OTOA: variants seen among roughly 807,000 people sequenced by gnomAD.
OTOA encodes cancer/testis antigen 108.
A neutral mutation model predicts 110.8 loss-of-function variants in OTOA; 70 were observed. The ratio of observed to expected loss-of-function variants is 0.63; its 90% CI spans 0.52 to 0.77. OTOA has a LOEUF of 0.77. OTOA is among the 30% of genes least tolerant of loss of function. The pLI, the probability that OTOA is intolerant of heterozygous loss-of-function variation, is 0.00. For missense variants in OTOA, 917 were observed against 1,075.8 expected (o/e 0.85, Z 2.06); for synonymous variants, 373 against 431.5 (o/e 0.86, Z 1.68).
intron 1 of OTOA, among the ~76,000 whole-genome samples, chr16:21,676,055 G>A (rs553681920): frequency 1.3e-5 from 2 of 152,230 alleles, no homozygotes; most frequent in East Asian, 1.9e-4. Flanking sequence ...AGCCTCCTGA[G>A]TAGTTGGGCA....
rs977058358 is a variant in OTOA at position 21,675,163 on chromosome 16, C to CT, written c.-4-3338dup. Reference sequence around the variant, plus strand: ...TCTTTCTTTTTCTTTCTCTCTCTCTCTTTTTTTTTTCAGTCTCATTCTGTC... The same window carrying CT: ...TCTTTCTTTTTCTTTCTCTCTCTCTCTTTTTTTTTTTCAGTCTCATTCTGTC... On this transcript the variant is annotated intron_variant, in intron 1 of 28. Coordinates refer to ENST00000646100, the MANE Select transcript of OTOA (RefSeq NM_144672.4). 2.1e-4 allele frequency among the ~76,000 whole-genome samples: 27 copies of CT among 127,752 alleles called. No homozygotes were observed. The East Asian group carries it at 4.4e-3, about 21-fold the overall frequency. 83.8% of individuals were successfully genotyped at this position (127,752 alleles called of 152,430 possible). A position where few individuals can be genotyped will look rare whatever the true frequency, so the allele number is the denominator to read the frequency against.
chr16:21,735,324 A>G (rs1197262806), intron 21 of OTOA, among the ~76,000 whole-genome samples: 1 of 151,776 alleles, frequency 6.6e-6, no homozygotes, highest in East Asian at 1.9e-4. Context: ...CAAGAGCGTG[A>G]TGGGGGAGGT....
Position 21,728,345 on chromosome 16 carries a change from G to C in OTOA, c.2121G>C (p.Ala707=), listed in dbSNP as rs147172217. 14 of 1,614,014 alleles carry C rather than the reference G, an allele frequency of 8.7e-6. No homozygotes were observed. Among genetic ancestry groups the C allele is most frequent in the Admixed American group, 6.7e-5 (4 of 60,014 alleles). ...IDRGISPRAW[A]TALHGLRDCP... ...GGGGGATCTCCCCCAGGGCTTGGGC[G>C]ACTGCTCTACACGGCCTCAGAGACT... The change falls in exon 20 of 29, where the codon GCG becomes GCC. Residue 707 remains alanine, a synonymous_variant. Transcript: ENST00000646100.
intron 9 of OTOA, among the ~76,000 whole-genome samples, chr16:21,696,693 C>T (rs1019167416): frequency 5.3e-5 from 8 of 152,000 alleles, no homozygotes; most frequent in Non-Finnish European, 7.4e-5. Flanking sequence ...CCTCAGCCTC[C>T]CAAGTAGCTG....
intron 13 of OTOA, among the ~76,000 whole-genome samples, chr16:21,714,485 C>CCTCT (rs759140476): frequency 2.5e-4 from 28 of 111,766 alleles, no homozygotes; most frequent in East Asian, 2.4e-3. Context: ...CTTTCCTCTC[C>CCTCT]CTCTCTCTCT....
chr16:21,709,875 G>A lies in OTOA; in HGVS notation c.1105-13G>A. 2 of 1,601,442 alleles carry A rather than the reference G, an allele frequency of 1.2e-6. No homozygotes were observed. Among genetic ancestry groups the A allele is most frequent in the South Asian group, 2.2e-5 (2 of 90,812 alleles). ...TTCCTGTCAACACTCATTCCAGTTT[G>A]CTCTCCTTCCAGCTCAAAGCAGAAC... On this transcript the variant is annotated splice_polypyrimidine_tract_variant and intron_variant, in intron 12 of 28. Transcript: ENST00000646100.
At chr16:21,727,269 G>A (rs550303264) in intron 19 of OTOA, 14 of 157,196 alleles carry the variant, frequency 8.9e-5, no homozygotes, top group South Asian at 3.8e-4. Context: ...CATCCACCTC[G>A]GCCTCCCAAA....
At chr16:21,737,987 A>G (rs1416296364) in intron 22 of OTOA, among the ~76,000 whole-genome samples, 2 of 152,308 alleles carry the variant, frequency 1.3e-5, no homozygotes, top group African/African-American at 4.8e-5. Flanking sequence ...TAAAGAGCTT[A>G]CTTTCAAATG....
Position 21,715,135 on chromosome 16 carries a change from C to A in OTOA, c.1471C>A (p.Gln491Lys). ...ATCCGACTTGTCACCTGCCCAGCAG[C>A]AAGGTATCCTCAGCAAGGTGAGAGG... is the stretch of plus-strand genomic sequence containing the variant. ...YVSDLSPAQQ[Q>K]GILSKMVQAE... Residue 491 changes from glutamine (Q) to lysine (K), a missense_variant, in exon 14 of 29, where the codon CAA (glutamine) becomes AAA (lysine). Gln to Lys is a moderately conservative substitution (Grantham distance 53, BLOSUM62 1). Coordinates refer to ENST00000646100, the MANE Select transcript of OTOA (RefSeq NM_144672.4). The A allele has an allele frequency of 1.9e-6, 3 of 1,614,182 alleles. No individual in the cohort carries two copies. Among genetic ancestry groups the A allele is most frequent in the Non-Finnish European group, 2.5e-6 (3 of 1,180,014 alleles).
intron 8 of OTOA, among the ~76,000 whole-genome samples, chr16:21,690,502 T>A (rs910618677): frequency 2.6e-5 from 4 of 152,180 alleles, no homozygotes; most frequent in Non-Finnish European, 5.9e-5. Flanking sequence ...GGTCCATTCA[T>A]GTCCCTGCAA....
chr16:21,711,923 A>G (rs892212954), intron 13 of OTOA, among the ~76,000 whole-genome samples: 1 of 152,230 alleles, frequency 6.6e-6, no homozygotes, highest in Non-Finnish European at 1.5e-5. Flanking sequence ...CTTTGAAACA[A>G]CATAATTTAC....
intron 18 of OTOA, 69 bp downstream of exon 18, chr16:21,723,047 G>C: frequency 6.6e-7 from 1 of 1,520,600 alleles, no homozygotes; most frequent in Non-Finnish European, 9.1e-7. Flanking sequence ...AAGTCAAAAT[G>C]ATTCTCTCCC....
Position 21,730,743 on chromosome 16 carries a change from A to C in OTOA, c.2208-94A>C, listed in dbSNP as rs1899089053. ...ATGTGATTGACATGAGTATAAGACA[A>C]TCTATTCCTGAAAGAAAAGGGTGCT... On this transcript the variant is annotated intron_variant, in intron 20 of 28. Coordinates refer to ENST00000646100, the MANE Select transcript of OTOA (RefSeq NM_144672.4). The C allele has an allele frequency of 3.1e-6, 3 of 957,020 alleles. No homozygotes were observed. The South Asian group carries it at 4.1e-5, about 13-fold the overall frequency. 59.3% of individuals were successfully genotyped at this position (957,020 alleles called of 1,614,324 possible). A position where few individuals can be genotyped will look rare whatever the true frequency, so the allele number is the denominator to read the frequency against.
chr16:21,724,311 C>T (rs946757767), intron 18 of OTOA, among the ~76,000 whole-genome samples: 6 of 151,912 alleles, frequency 3.9e-5, no homozygotes, highest in African/African-American at 7.3e-5. Flanking sequence ...CAGGGGAGAC[C>T]GAACTAATGC....
chr16:21,719,957 C>CTTT (rs761325846), intron 17 of OTOA, among the ~76,000 whole-genome samples: 1 of 136,566 alleles, frequency 7.3e-6, no homozygotes. Context: ...TAACTGATTT[C>CTTT]TTTTTTTTTT....
At chr16:21,692,482 A>G (rs1897850290) in intron 9 of OTOA, among the ~76,000 whole-genome samples, 1 of 152,232 alleles carries the variant, frequency 6.6e-6, no homozygotes, top group South Asian at 2.1e-4. Flanking sequence ...CTTGTGTCCT[A>G]GAGCAGTCAA....
rs1900142946 is a variant in OTOA at position 21,760,635 on chromosome 16, C to T, written c.*95C>T. 7.1e-6 allele frequency: 8 copies of T among 1,128,070 alleles called. No individual in the cohort carries two copies. In the South Asian group the frequency reaches 1.0e-4, roughly 14 times the overall value. The allele number at this position is 1,128,070 out of a possible 1,614,324, so 69.9% of individuals were successfully genotyped here. A position where few individuals can be genotyped will look rare whatever the true frequency, so the allele number is the denominator to read the frequency against. Reference sequence around the variant, plus strand: ...GATGGTGGGACACCCTTCCCTGGATCCAGACCCTCATCTAGGGCAGGGAAA... The same window carrying T: ...GATGGTGGGACACCCTTCCCTGGATTCAGACCCTCATCTAGGGCAGGGAAA... On this transcript the variant is annotated 3_prime_UTR_variant, in exon 29 of 29. Transcript: ENST00000646100.
At chr16:21,681,555 CCT>C (rs1307599153) in intron 5 of OTOA, among the ~76,000 whole-genome samples, 181 bp from the exon 6 acceptor site, 1 of 151,792 alleles carries the variant, frequency 6.6e-6, no homozygotes, top group Non-Finnish European at 1.5e-5. Context: ...AGAGCAAGAC[CCT>C]GTTTCAAAAA....
intron 15 of OTOA, among the ~76,000 whole-genome samples, chr16:21,718,828 C>A (rs1307842228): frequency 6.6e-6 from 1 of 152,118 alleles, no homozygotes; most frequent in African/African-American, 2.4e-5. Flanking sequence ...TGGTCAGCAG[C>A]TTCCTAAAGC....
Sources: allele counts gnomAD v4.1 joint callset (sites outside exome capture counted in the v4.1 genomes callset), GRCh38; gene constraint gnomAD v4.1.1; transcripts MANE v1.5; gene names NCBI Gene and HGNC (gene_info 2026-07-23, HGNC 2026-07-21).